The following SLC25A12 variants were observed in gnomAD, a reference collection of about 807,000 sequenced individuals.
The protein encoded by SLC25A12 is electrogenic aspartate/glutamate antiporter SLC25A12, mitochondrial.
A neutral mutation model predicts 83.3 loss-of-function variants in SLC25A12; 32 were observed. That is an observed-to-expected ratio of 0.38 (90% CI 0.29 to 0.52). The LOEUF (loss-of-function observed/expected upper bound fraction) is 0.52, where lower values mean the gene tolerates loss of function less well. Among genes scored for constraint, SLC25A12 ranks in the 20% least tolerant of loss-of-function variants. The probability of loss-of-function intolerance (pLI) is 0.84; values close to 1 mark genes in which losing one functional copy is unlikely to be tolerated. For synonymous variants in SLC25A12, 267 were observed against 291.1 expected (o/e 0.92, Z 0.84); for missense variants, 611 against 835.6 (o/e 0.73, Z 3.31).
intron 2 of SLC25A12, among the ~76,000 whole-genome samples, chr2:171,876,054 G>A (rs1685564202): frequency 6.6e-6 from 1 of 152,028 alleles, no homozygotes; most frequent in Non-Finnish European, 1.5e-5. Context: ...AGCAGCCTTA[G>A]CACAAACCAC....
At chr2:171,836,299 G>A (rs1489811229) in intron 6 of SLC25A12, among the ~76,000 whole-genome samples, 1 of 152,092 alleles carries the variant, frequency 6.6e-6, no homozygotes, top group Non-Finnish European at 1.5e-5. Context: ...AACAACAAAG[G>A]CACTCATTGG....
intron 17 of SLC25A12, 23 bp from the exon 18 acceptor site, chr2:171,785,498 T>C: frequency 6.2e-7 from 1 of 1,610,410 alleles, no homozygotes; most frequent in Non-Finnish European, 8.5e-7. Context: ...AAAAAGCCAA[T>C]GGTTAGCATG....
chr2:171,882,967 C>T (rs533901714), intron 2 of SLC25A12, among the ~76,000 whole-genome samples: 1 of 152,298 alleles, frequency 6.6e-6, no homozygotes, highest in African/African-American at 2.4e-5. Context: ...TCTCTCGGGT[C>T]TCCCAGCCTT....
intron 2 of SLC25A12, among the ~76,000 whole-genome samples, chr2:171,891,809 C>G (rs1685944866): frequency 6.6e-6 from 1 of 152,220 alleles, no homozygotes; most frequent in Non-Finnish European, 1.5e-5. Context: ...TGGACCATTT[C>G]TGTTATTATA....
chr2:171,788,027 C>G, intron 15 of SLC25A12, 80 bp from the exon 16 acceptor site: 1 of 1,447,482 alleles, frequency 6.9e-7, no homozygotes, highest in Admixed American at 1.8e-5. Flanking sequence ...ACTATAGAGC[C>G]TGCAACTTCA....
chr2:171,801,384 G>T (rs1197923393), intron 13 of SLC25A12, among the ~76,000 whole-genome samples: 2 of 152,124 alleles, frequency 1.3e-5, no homozygotes, highest in African/African-American at 2.4e-5. Context: ...TATAGAGGGT[G>T]ACAATAATGC....
At chr2:171,817,871 C>T (rs1174034849) in intron 9 of SLC25A12, among the ~76,000 whole-genome samples, 5 of 152,094 alleles carry the variant, frequency 3.3e-5, no homozygotes, top group Non-Finnish European at 7.4e-5. Flanking sequence ...ATACTTTCTT[C>T]CTTTAAAGAA....
At position 171,796,764 on chromosome 2, in the gene SLC25A12, C is replaced by T. The variant is rs112563443; in HGVS notation, c.1306-2997G>A. ...TAGCAAAGATAAAGACTGCAAAAAC[C>T]GCAGTTACTTTTGTACCAACGTAAT... is the stretch of plus-strand genomic sequence containing the variant. On this transcript the variant is annotated intron_variant, in intron 13 of 17. Coordinates refer to ENST00000422440, the MANE Select transcript of SLC25A12 (RefSeq NM_003705.5). Among the ~76,000 whole-genome samples, 459 of 152,152 alleles carry T rather than the reference C, an allele frequency of 3.0e-3. 3 individuals are homozygous for T. The highest frequency in any genetic ancestry group is 8.3e-3 in the African/African-American group (344 of 41,498).
chr2:171,864,815 G>A (rs1247307187), intron 3 of SLC25A12, among the ~76,000 whole-genome samples: 2 of 152,082 alleles, frequency 1.3e-5, no homozygotes, highest in Non-Finnish European at 2.9e-5. Context: ...AGCTATGACA[G>A]CACCTCATTT....
chr2:171,856,534 A>G (rs1222094681), intron 3 of SLC25A12: 1 of 152,738 alleles, frequency 6.5e-6, no homozygotes, highest in Non-Finnish European at 1.5e-5. Flanking sequence ...ACTGTAGGAA[A>G]TGACAGAAGA....
rs564461597 is a variant in SLC25A12 at position 171,824,371 on chromosome 2, T to G, written c.930+2427A>C. Among the ~76,000 whole-genome samples, 20 of 152,086 alleles carry G rather than the reference T, an allele frequency of 1.3e-4. 1 individual carries two copies. In the South Asian group the frequency reaches 4.2e-3, roughly 32 times the overall value. ...GCTTCAGATATGGCCTCTAGGAAAA[T>G]TGCTAGGGGCAAGAGAGGTGGGTGA... On this transcript the variant is annotated intron_variant, in intron 9 of 17. Transcript: ENST00000422440.
rs1181381877 is a variant in SLC25A12, at chr2:171,834,875, G to T, written c.613-10C>A. 1.2e-6 allele frequency: 2 copies of T among 1,612,910 alleles called. No individual in the cohort carries two copies. The highest frequency in any genetic ancestry group is 1.1e-5 in the South Asian group (1 of 90,972). ...TACTTCCTCCAGCTGCCTAGAAAATGACAACACAAAAAGTTTAAAAAACAA... is the reference window on the plus strand; with the variant it reads ...TACTTCCTCCAGCTGCCTAGAAAATTACAACACAAAAAGTTTAAAAAACAA... On this transcript the variant is annotated splice_polypyrimidine_tract_variant and intron_variant, in intron 6 of 17. Coordinates refer to ENST00000422440, the MANE Select transcript of SLC25A12 (RefSeq NM_003705.5).
chr2:171,810,255 C>A lies in SLC25A12; in HGVS notation c.1193G>T (p.Gly398Val), dbSNP rs761361585. The change falls in exon 12 of 18, where the codon GGG becomes GTG. Residue 398 changes from glycine to valine, a missense_variant. By Grantham distance (109) the Gly-to-Val change is moderately radical (BLOSUM62 -3). Transcript: ENST00000422440. ...TTTAATGGCCTTTTCTGGAGCAACC[C>A]CTATAAGTTGTGGTATCAGACCTAG... ...LYRGLIPQLI[G>V]VAPEKAIKLT... 2 of 1,613,496 alleles carry A rather than the reference C, an allele frequency of 1.2e-6. No homozygotes were observed. Among genetic ancestry groups the A allele is most frequent in the Admixed American group, 3.3e-5 (2 of 59,998 alleles).
chr2:171,856,084 A>G, intron 3 of SLC25A12, 135 bp from the exon 4 acceptor site: 1 of 668,764 alleles, frequency 1.5e-6, no homozygotes, highest in Admixed American at 2.4e-5. Flanking sequence ...TTATAGAGGT[A>G]CTTCAGATAA....
chr2:171,788,851 T>C (rs1690538288), intron 15 of SLC25A12: 1 of 152,238 alleles, frequency 6.6e-6, no homozygotes, highest in Admixed American at 6.5e-5. Flanking sequence ...GTAAACTTCC[T>C]GCCTTTGGAG....
intron 3 of SLC25A12, among the ~76,000 whole-genome samples, chr2:171,867,738 G>T (rs908333507): frequency 5.9e-5 from 9 of 152,200 alleles, no homozygotes; most frequent in African/African-American, 1.9e-4. Flanking sequence ...TTAAATATAG[G>T]ATGCCAGTAT....
chr2:171,785,624 C>T, intron 17 of SLC25A12, 149 bp from the exon 18 acceptor site: 1 of 719,858 alleles, frequency 1.4e-6, no homozygotes, highest in Non-Finnish European at 2.5e-6. Context: ...GACTAGAAAC[C>T]ACAGTCATGA....
chr2:171,871,046 T>C (rs1685446135), intron 2 of SLC25A12, among the ~76,000 whole-genome samples: 1 of 150,854 alleles, frequency 6.6e-6, no homozygotes, highest in African/African-American at 2.4e-5. Flanking sequence ...TACAAAAAAT[T>C]AGAAAAGTAG....
chr2:171,880,209 T>C lies in SLC25A12; in HGVS notation c.67-11386A>G, dbSNP rs79874998. Among the ~76,000 whole-genome samples, 1,300 of 152,316 alleles carry C rather than the reference T, an allele frequency of 8.5e-3. 42 individuals carry two copies. In the East Asian group the frequency reaches 0.12, roughly 14 times the overall value. ...TATGGTGATTCATTATACCATTTTCTCTTTTTTTGTATGAATTTTAAAGTT... is the reference window on the plus strand; with the variant it reads ...TATGGTGATTCATTATACCATTTTCCCTTTTTTTGTATGAATTTTAAAGTT... On this transcript the variant is annotated intron_variant, in intron 2 of 17. Transcript: ENST00000422440.
Sources: allele counts gnomAD v4.1 joint callset (sites outside exome capture counted in the v4.1 genomes callset), GRCh38; gene constraint gnomAD v4.1.1; transcripts MANE v1.5; gene names NCBI Gene and HGNC (gene_info 2026-07-23, HGNC 2026-07-21).